Variants in ATG5 observed in about 807,000 individuals in gnomAD.
ATG5 encodes the protein autophagy protein 5.
ATG5 carries 14 observed loss-of-function variants against 36.5 expected under a neutral mutation model. That is an observed-to-expected ratio of 0.38 (90% CI 0.25 to 0.60). The LOEUF (loss-of-function observed/expected upper bound fraction) is 0.60. Ranked by LOEUF, ATG5 falls within the 20% of genes least tolerant of loss-of-function variation. ATG5 has a pLI of 0.60. For missense variants in ATG5, 195 were observed against 326.7 expected, an observed-to-expected ratio of 0.60 and a Z score of 3.11; for synonymous variants, 95 against 101.5, an observed-to-expected ratio of 0.94 and a Z score of 0.38.
chr6:106,294,421 T>C (rs75453836), intron 3 of ATG5, among the ~76,000 whole-genome samples: 6,972 of 151,392 alleles, frequency 0.046, 443 homozygotes, highest in East Asian at 0.25. Context: ...TAAACATAGA[T>C]ATATGTTTAT....
intron 6 of ATG5, among the ~76,000 whole-genome samples, chr6:106,237,447 T>C (rs1207535686): frequency 2.0e-5 from 3 of 152,212 alleles, no homozygotes; most frequent in African/African-American, 7.2e-5. Context: ...TTGAGGCAGA[T>C]TTGTACTTTA....
chr6:106,229,472 C>T (rs116239108), intron 6 of ATG5, among the ~76,000 whole-genome samples: 2,141 of 151,044 alleles, frequency 0.014, 47 homozygotes, highest in African/African-American at 0.049. Context: ...GGGAGAGAGA[C>T]AGAGAGGAGA....
At chr6:106,291,386 C>T (rs1232576608) in intron 4 of ATG5, among the ~76,000 whole-genome samples, 2 of 152,146 alleles carry the variant, frequency 1.3e-5, no homozygotes, top group Non-Finnish European at 2.9e-5. Flanking sequence ...CTAAGGCACC[C>T]ACAGTTTTAA....
At chr6:106,228,315 C>G (rs548622853) in intron 6 of ATG5, among the ~76,000 whole-genome samples, 1 of 152,328 alleles carries the variant, frequency 6.6e-6, no homozygotes, top group Non-Finnish European at 1.5e-5. Flanking sequence ...CCCTCTGGAT[C>G]TAGCAGGGTG....
intron 5 of ATG5, among the ~76,000 whole-genome samples, chr6:106,266,017 G>A (rs932626793): frequency 2.0e-5 from 3 of 150,176 alleles, no homozygotes; most frequent in East Asian, 2.0e-4. Flanking sequence ...GAAGGAGATG[G>A]AGACATGAAA....
intron 3 of ATG5, among the ~76,000 whole-genome samples, chr6:106,306,256 C>G (rs1770442700): frequency 6.6e-6 from 1 of 152,164 alleles, no homozygotes; most frequent in African/African-American, 2.4e-5. Flanking sequence ...GGTCCAAACA[C>G]TATTTACCCA....
intron 2 of ATG5, among the ~76,000 whole-genome samples, chr6:106,312,657 CACAT>C (rs935084567): frequency 6.4e-5 from 9 of 141,516 alleles, no homozygotes; most frequent in East Asian, 2.1e-4. Flanking sequence ...CACACACACA[CACAT>C]AAAAACCAGA....
intron 6 of ATG5, among the ~76,000 whole-genome samples, chr6:106,220,306 A>C (rs1777194142): frequency 6.6e-6 from 1 of 152,208 alleles, no homozygotes; most frequent in Non-Finnish European, 1.5e-5. Context: ...TACTTATATC[A>C]TCTCCTTAGC....
chr6:106,248,038 C>T (rs1011513277), intron 6 of ATG5, 112 bp downstream of exon 6: 1 of 771,018 alleles, frequency 1.3e-6, no homozygotes, highest in African/African-American at 1.7e-5. Context: ...TGGAAAACCC[C>T]TAATAAATAC....
At chr6:106,301,791 C>T (rs1297132375) in intron 3 of ATG5, among the ~76,000 whole-genome samples, 1 of 152,032 alleles carries the variant, frequency 6.6e-6, no homozygotes, top group Non-Finnish European at 1.5e-5. Context: ...ACTCTGGTCC[C>T]AACCATTTTG....
chr6:106,192,052 T>C (rs967423208), intron 7 of ATG5, among the ~76,000 whole-genome samples: 3 of 152,118 alleles, frequency 2.0e-5, no homozygotes, highest in Non-Finnish European at 4.4e-5. Context: ...CCAGACTCGA[T>C]GATTATGCAA....
intron 6 of ATG5, among the ~76,000 whole-genome samples, chr6:106,210,970 A>G (rs1434189586): frequency 3.9e-5 from 6 of 152,204 alleles, no homozygotes; most frequent in Non-Finnish European, 1.5e-5. Flanking sequence ...AAGGATTATA[A>G]TAACATATAC....
chr6:106,264,882 C>CA (rs1779168902), intron 5 of ATG5, among the ~76,000 whole-genome samples: 3 of 151,884 alleles, frequency 2.0e-5, no homozygotes, highest in South Asian at 2.1e-4. Context: ...CCAGCCACTG[C>CA]AAAAAACACA....
chr6:106,235,691 C>T (rs533777343), intron 6 of ATG5, among the ~76,000 whole-genome samples: 12 of 152,030 alleles, frequency 7.9e-5, no homozygotes, highest in Non-Finnish European at 1.3e-4. Flanking sequence ...GAGAGCACAG[C>T]GGGAAGGACA....
intron 6 of ATG5, among the ~76,000 whole-genome samples, chr6:106,203,028 AT>A: frequency 6.6e-6 from 1 of 152,018 alleles, no homozygotes; most frequent in Middle Eastern, 3.4e-3. Context: ...GAGACAGAGA[AT>A]GTGTGTGTGT....
intron 2 of ATG5, among the ~76,000 whole-genome samples, chr6:106,311,896 T>C (rs1360431213): frequency 6.6e-6 from 1 of 151,426 alleles, no homozygotes; most frequent in Non-Finnish European, 1.5e-5. Context: ...AAAGGCAAGA[T>C]CTCGGCTCAC....
intron 6 of ATG5, among the ~76,000 whole-genome samples, chr6:106,229,408 CAGAGACAG>C (rs987929484): frequency 6.6e-6 from 1 of 150,928 alleles, no homozygotes; most frequent in African/African-American, 2.4e-5. Flanking sequence ...GAGAGACAGA[CAGAGACAG>C]AGAGAGAGAG....
At chr6:106,263,883 A>G (rs1359101170) in intron 5 of ATG5, among the ~76,000 whole-genome samples, 1 of 151,952 alleles carries the variant, frequency 6.6e-6, no homozygotes, top group Non-Finnish European at 1.5e-5. Context: ...AGATGGAAAA[A>G]AAAAAAAAAA....
intron 4 of ATG5, among the ~76,000 whole-genome samples, chr6:106,289,266 CA>C (rs1780209415): frequency 6.6e-6 from 1 of 152,084 alleles, no homozygotes; most frequent in African/African-American, 2.4e-5. Context: ...TATAATCAAT[CA>C]AAAATCTATA....
Sources: gnomAD v4.1 joint callset for allele counts (sites outside exome capture counted in the v4.1 genomes callset) on GRCh38, gnomAD v4.1.1 for gene constraint, MANE v1.5 for transcripts, NCBI Gene and HGNC (gene_info 2026-07-23, HGNC 2026-07-21) for gene names.